The following ELP2 variants were observed in gnomAD, a reference collection of about 807,000 sequenced individuals.
ELP2 encodes the protein elongator acetyltransferase complex subunit 2.
In ELP2, 90 loss-of-function variants were observed where a neutral mutation model predicts 119.2. The ratio of observed to expected loss-of-function variants is 0.75; its 90% CI spans 0.64 to 0.90. The LOEUF is 0.90. ELP2 is among the 40% of genes least tolerant of loss of function. The probability of loss-of-function intolerance (pLI) is 0.00; values close to 1 mark genes in which losing one functional copy is unlikely to be tolerated. For missense variants in ELP2, 921 were observed against 967.8 expected, an observed-to-expected ratio of 0.95 and a Z score of 0.64; for synonymous variants, 339 against 331.0, an observed-to-expected ratio of 1.02 and a Z score of -0.26.
rs977471507 is a variant in ELP2, at chr18:36,146,319, A to G, written c.1063A>G (p.Met355Val). 5 of 1,614,040 alleles carry G rather than the reference A, an allele frequency of 3.1e-6. No individual in the cohort carries two copies. The highest frequency in any genetic ancestry group is 4.2e-6 in the Non-Finnish European group (5 of 1,179,976). Residue 355 changes from methionine to valine, a missense_variant, in exon 11 of 22, where the codon ATG becomes GTG. Coordinates refer to ENST00000358232, the MANE Select transcript of ELP2 (RefSeq NM_018255.4). Reference sequence around the variant, plus strand: ...TTGCCAGTTCAATGAAGATGGCTCCATGATCATTGCTCATGCTTTCCACGG... The same window carrying G: ...TTGCCAGTTCAATGAAGATGGCTCCGTGATCATTGCTCATGCTTTCCACGG... ...YDCQFNEDGS[M>V]IIAHAFHGAL...
chr18:36,136,513 G>A, intron 3 of ELP2, 136 bp downstream of exon 3: 1 of 743,656 alleles, frequency 1.3e-6, no homozygotes, highest in Non-Finnish European at 2.5e-6. Context: ...AAGTAGCTGG[G>A]ACTACAGGTG....
rs61330040 is a variant in ELP2 at position 36,147,081 on chromosome 18, G to GTTT, written c.1125+719_1125+721dup. On this transcript the variant is annotated intron_variant, in intron 11 of 21. Transcript: ENST00000358232. ...GTTCCTCATTTGTAAAACATGGGTA[G>GTTT]TTTTTTTTTTTTTTTTTTTTTCTTT... is the stretch of plus-strand genomic sequence containing the variant. Among the ~76,000 whole-genome samples the GTTT allele has an allele frequency of 3.1e-4, 38 of 123,392 alleles. 1 individual carries two copies. Among genetic ancestry groups the GTTT allele is most frequent in the Admixed American group, 4.1e-4 (5 of 12,098 alleles). The allele number at this position is 123,392 out of a possible 152,430, so 80.9% of individuals were successfully genotyped here. A position where few individuals can be genotyped will look rare whatever the true frequency, so the allele number is the denominator to read the frequency against.
At position 36,158,820 on chromosome 18, in the gene ELP2, T is replaced by C. The variant is rs2090645224; in HGVS notation, c.1465-15T>C. The C allele has an allele frequency of 6.5e-7, 1 of 1,537,836 alleles. No individual in the cohort carries two copies. The highest frequency in any genetic ancestry group is 9.0e-7 in the Non-Finnish European group (1 of 1,112,244). The stretch of plus-strand genomic sequence containing the variant: ...TTTAGCATTTATAACTTAGATATTA[T>C]ATTTTCTATTCTAGCAAGATAGTGA... On this transcript the variant is annotated splice_polypyrimidine_tract_variant and intron_variant, in intron 13 of 21. Coordinates refer to ENST00000358232, the MANE Select transcript of ELP2 (RefSeq NM_018255.4).
At chr18:36,148,092 G>GTTT (rs201797653) in intron 11 of ELP2, among the ~76,000 whole-genome samples, 6 of 113,834 alleles carry the variant, frequency 5.3e-5, no homozygotes, top group African/African-American at 8.6e-5. Flanking sequence ...TCATGGTCAG[G>GTTT]TTTTTGTTTT....
intron 7 of ELP2, 96 bp downstream of exon 7, chr18:36,142,443 T>C: frequency 1.9e-6 from 2 of 1,035,054 alleles, no homozygotes; most frequent in East Asian, 4.8e-5. Context: ...TAAGTTTTCT[T>C]TGTATGTTAT....
At position 36,177,023 on chromosome 18, in the gene ELP2, C is replaced by T. The variant is rs1455515707; in HGVS notation, c.*2382C>T. ...GAGGCTATATTACTCATTGCTACGG[C>T]AGTTCAAAATGACTTGGAAAAAAAC... On this transcript the variant is annotated 3_prime_UTR_variant, in exon 22 of 22. Transcript: ENST00000358232. 1 of 152,052 alleles carries T rather than the reference C, an allele frequency of 6.6e-6. No homozygotes were observed. The highest frequency in any genetic ancestry group is 1.5e-5 in the Non-Finnish European group (1 of 68,024). The allele number at this position is 152,052 out of a possible 1,614,324, so 9.4% of individuals were successfully genotyped here. A position where few individuals can be genotyped will look rare whatever the true frequency, so the allele number is the denominator to read the frequency against.
At chr18:36,132,572 A>G (rs1230266007) in intron 1 of ELP2, among the ~76,000 whole-genome samples, 1 of 152,216 alleles carries the variant, frequency 6.6e-6, no homozygotes, top group African/African-American at 2.4e-5. Context: ...CACAGTTAAA[A>G]TCTTTAATGG....
Position 36,154,943 on chromosome 18 carries a change from G to T in ELP2, c.1219G>T (p.Gly407Cys). 1 of 1,613,926 alleles carries T rather than the reference G, an allele frequency of 6.2e-7. No individual in the cohort carries two copies. The change falls in exon 12 of 22, where the codon GGT becomes TGT. Residue 407 changes from glycine (G) to cysteine (C), a missense_variant. Physicochemically the swap from Gly to Cys is radical, Grantham distance 159 (BLOSUM62 -3). Coordinates refer to ENST00000358232, the MANE Select transcript of ELP2 (RefSeq NM_018255.4). ...AGAAGGAGAATTTATTATCACTGTTGGTACTGATCAGACAACTAGACTTTT... is the reference window on the plus strand; with the variant it reads ...AGAAGGAGAATTTATTATCACTGTTTGTACTGATCAGACAACTAGACTTTT... ...DPEGEFIITV[G>C]TDQTTRLFAP...
At chr18:36,140,416 G>C (rs973135242) in intron 5 of ELP2, among the ~76,000 whole-genome samples, 1 of 152,042 alleles carries the variant, frequency 6.6e-6, no homozygotes, top group East Asian at 1.9e-4. Context: ...GTGCAATCTC[G>C]GCTCACTGCA....
At position 36,164,560 on chromosome 18, in the gene ELP2, C is replaced by T. The variant is rs2090835941; in HGVS notation, c.1847C>T (p.Thr616Ile). The change falls in exon 18 of 22, where the codon ACA (threonine) becomes ATA (isoleucine). Residue 616 changes from threonine (T) to isoleucine (I), a missense_variant. By Grantham distance (89) the Thr-to-Ile change is moderately conservative. Transcript: ENST00000358232. ...CAGAATTTAGTTTTCCACAGTTTGA[C>T]AGTCACGCAGATGGCCTTCTCACCT... Reference protein sequence around the residue: ...QVQNLVFHSLTVTQMAFSPNE... With the variant: ...QVQNLVFHSLIVTQMAFSPNE... The T allele has an allele frequency of 6.2e-7, 1 of 1,614,092 alleles. No individual in the cohort carries two copies. Among genetic ancestry groups the T allele is most frequent in the Middle Eastern group, 1.7e-4 (1 of 6,058 alleles).
chr18:36,133,234 A>T lies in ELP2; in HGVS notation c.139-4A>T, dbSNP rs749167262. 4 of 1,604,438 alleles carry T rather than the reference A, an allele frequency of 2.5e-6. No homozygotes were observed. In the African/African-American group the frequency reaches 5.4e-5, roughly 21 times the overall value. ...GTTTACTAACTGTATTTTCTTCTCT[A>T]AAGAAAAGGGTTGTTGTTACCAACT... On this transcript the variant is annotated splice_region_variant and splice_polypyrimidine_tract_variant and intron_variant, in intron 1 of 21. Transcript: ENST00000358232.
chr18:36,177,297 A>G lies in ELP2; in HGVS notation c.*2656A>G, dbSNP rs953360133. On this transcript the variant is annotated 3_prime_UTR_variant, in exon 22 of 22. Coordinates refer to ENST00000358232, the MANE Select transcript of ELP2 (RefSeq NM_018255.4). ...GTGAATGATCAACAAAATGTGGTAT[A>G]TTCATACAGTGGAATATTATTCAGC... is the stretch of plus-strand genomic sequence containing the variant. 2.0e-5 allele frequency: 3 copies of G among 152,222 alleles called. No homozygotes were observed. The highest frequency in any genetic ancestry group is 4.4e-5 in the Non-Finnish European group (3 of 68,046). 9.4% of individuals were successfully genotyped at this position (152,222 alleles called of 1,614,324 possible).
In ELP2 at chr18:36,137,803, C is replaced by CAAAA. The variant is rs57722627; in HGVS notation, c.289-446_289-443dup. On this transcript the variant is annotated intron_variant, in intron 3 of 21. Coordinates refer to ENST00000358232, the MANE Select transcript of ELP2 (RefSeq NM_018255.4). ...TCCCAAAGTATACTCATATTATCAC[C>CAAAA]AAAAAAAAAAAAAAAAAAAAAAAAT... 6.7e-3 allele frequency among the ~76,000 whole-genome samples: 693 copies of CAAAA among 103,316 alleles called. 1 individual carries two copies. The highest frequency in any genetic ancestry group is 0.018 in the East Asian group (56 of 3,092). 67.8% of individuals were successfully genotyped at this position (103,316 alleles called of 152,430 possible).
intron 11 of ELP2, among the ~76,000 whole-genome samples, chr18:36,150,313 G>A (rs970549687): frequency 1.3e-5 from 2 of 152,194 alleles, no homozygotes; most frequent in Admixed American, 6.5e-5. Flanking sequence ...CAGTTCCAGT[G>A]TCAGTTCTAG....
chr18:36,170,469 G>A (rs994592800), intron 20 of ELP2, among the ~76,000 whole-genome samples: 1 of 151,868 alleles, frequency 6.6e-6, no homozygotes, highest in African/African-American at 2.4e-5. Flanking sequence ...GCGCCGTCAC[G>A]CCTGGCTCCT....
chr18:36,172,928 G>T (rs980556804), intron 21 of ELP2, among the ~76,000 whole-genome samples: 13 of 152,170 alleles, frequency 8.5e-5, no homozygotes, highest in African/African-American at 2.9e-4. Flanking sequence ...CAGTTACCAA[G>T]TTCCAAGTAC....
At chr18:36,138,502 T>G in intron 4 of ELP2, 76 bp downstream of exon 4, 1 of 1,458,546 alleles carries the variant, frequency 6.9e-7, no homozygotes, top group East Asian at 2.4e-5. Flanking sequence ...AGAGCATATA[T>G]ATAATTCTTT....
At chr18:36,138,631 C>A in intron 4 of ELP2, 164 bp from the exon 5 acceptor site, 2 of 868,906 alleles carry the variant, frequency 2.3e-6, no homozygotes, top group Non-Finnish European at 1.8e-6. Context: ...TCTGTAACAT[C>A]ATTAAAATTT....
chr18:36,141,073 G>A (rs186838985), intron 5 of ELP2, 64 bp from the exon 6 acceptor site: 3 of 1,319,370 alleles, frequency 2.3e-6, no homozygotes, highest in East Asian at 2.3e-5. Flanking sequence ...ATCCAGTACA[G>A]TTGATAAATC....
Sources: allele counts gnomAD v4.1 joint callset (sites outside exome capture counted in the v4.1 genomes callset), GRCh38; gene constraint gnomAD v4.1.1; transcripts MANE v1.5; gene names NCBI Gene and HGNC (gene_info 2026-07-23, HGNC 2026-07-21).